MTRF1: variants seen among roughly 807,000 people sequenced by gnomAD.
The protein encoded by MTRF1 is peptide chain release factor 1, mitochondrial.
Under a neutral mutation model 62.9 loss-of-function variants are expected in MTRF1, and 51 were observed. That is an observed-to-expected ratio of 0.81 (90% CI 0.65 to 1.02). The LOEUF is 1.02. MTRF1 is among the 50% of genes least tolerant of loss of function. The pLI, the probability that MTRF1 is intolerant of heterozygous loss-of-function variation, is 0.00. For missense variants in MTRF1, 446 were observed against 530.0 expected (o/e 0.84, Z 1.56); for synonymous variants, 158 against 181.9 (o/e 0.87, Z 1.06).
the MTRF1 span, among the ~76,000 whole-genome samples, chr13:41,306,236 T>C: frequency 6.6e-6 from 1 of 151,710 alleles, no homozygotes; most frequent in African/African-American, 2.4e-5. Flanking sequence ...CAAAAAAAAT[T>C]AGCCGGGCGT....
At chr13:41,228,081 A>C (rs1030844712) in intron 7 of MTRF1, among the ~76,000 whole-genome samples, 4 of 152,362 alleles carry the variant, frequency 2.6e-5, no homozygotes, top group East Asian at 1.9e-4. Context: ...TTTTTGCCTA[A>C]GCACCTGTAT....
the MTRF1 span, among the ~76,000 whole-genome samples, chr13:41,303,080 CTTATTTAT>C: frequency 6.6e-6 from 1 of 151,788 alleles, no homozygotes; most frequent in African/African-American, 2.4e-5. Flanking sequence ...AAGAGCCTTT[CTTATTTAT>C]TTATTTATTT....
Position 41,260,636 on chromosome 13 carries a change from T to C in MTRF1, c.272A>G (p.Gln91Arg). ...ATTCACAGGGATATGCTGCAGACAT[T>C]GCTCAAGTGTTTGGTACTCCTTACT... ...NLSKEYQTLE[Q>R]CLQHIPVNEE... Residue 91 changes from glutamine to arginine, a missense_variant, in exon 2 of 10, where the codon CAA (glutamine) becomes CGA (arginine). Physicochemically the swap from Gln to Arg is conservative, Grantham distance 43. Coordinates refer to ENST00000379480, the MANE Select transcript of MTRF1 (RefSeq NM_004294.4). 6.2e-7 allele frequency: 1 copy of C among 1,614,174 alleles called. No homozygotes were observed. Among genetic ancestry groups the C allele is most frequent in the African/African-American group, 1.3e-5 (1 of 75,060 alleles).
the MTRF1 span, among the ~76,000 whole-genome samples, chr13:41,274,978 C>T: frequency 6.6e-6 from 1 of 152,100 alleles, no homozygotes; most frequent in Non-Finnish European, 1.5e-5. Flanking sequence ...TTTATTATAG[C>T]ATTCTGTTTT....
At chr13:41,307,885 A>T in the MTRF1 span, among the ~76,000 whole-genome samples, 1 of 152,224 alleles carries the variant, frequency 6.6e-6, no homozygotes, top group Non-Finnish European at 1.5e-5. Flanking sequence ...AGACAGATGA[A>T]GAAGATATTA....
chr13:41,256,222 T>C (rs979598995), intron 2 of MTRF1, among the ~76,000 whole-genome samples: 1 of 152,058 alleles, frequency 6.6e-6, no homozygotes, highest in African/African-American at 2.4e-5. Flanking sequence ...CAGTGTGCCA[T>C]AGGGGCATAA....
At chr13:41,266,614 CA>C (rs2040842127), upstream of MTRF1, among the ~76,000 whole-genome samples, 1 of 151,964 alleles carries the variant, frequency 6.6e-6, no homozygotes, top group Non-Finnish European at 1.5e-5. Flanking sequence ...ATCTCAAAAA[CA>C]AAAACAAAAC....
chr13:41,301,250 C>T, the MTRF1 span, among the ~76,000 whole-genome samples: 1 of 152,148 alleles, frequency 6.6e-6, no homozygotes, highest in East Asian at 1.9e-4. Context: ...AAACTTTTCC[C>T]TTCACCCTTT....
the MTRF1 span, chr13:41,311,452 C>T: frequency 1.3e-3 from 1,804 of 1,417,506 alleles, 9 homozygotes; most frequent in Non-Finnish European, 6.5e-4. Flanking sequence ...CGGTTCGTCC[C>T]GGTGCCCACC....
At position 41,260,807 on chromosome 13, in the gene MTRF1, T is replaced by C. The variant is rs757054254; in HGVS notation, c.101A>G (p.His34Arg). 1 of 1,614,046 alleles carries C rather than the reference T, an allele frequency of 6.2e-7. No individual in the cohort carries two copies. Among genetic ancestry groups the C allele is most frequent in the African/African-American group, 1.3e-5 (1 of 74,924 alleles). ...AAAAACTTGCAGCCTTGTATCAAGA[T>C]GTATCTGTCTAAATTGATGAGAATG... Reference protein sequence around the residue: ...QLHSHQFRQIHLDTRLQVFRQ... With the variant: ...QLHSHQFRQIRLDTRLQVFRQ... The change falls in exon 2 of 10, where the codon CAT becomes CGT. Residue 34 changes from histidine (H) to arginine (R), a missense_variant. Coordinates refer to ENST00000379480, the MANE Select transcript of MTRF1 (RefSeq NM_004294.4).
intron 7 of MTRF1, among the ~76,000 whole-genome samples, chr13:41,229,929 C>T (rs1476747635): frequency 1.3e-5 from 2 of 151,978 alleles, no homozygotes; most frequent in African/African-American, 4.8e-5. Context: ...GGTGAAACTA[C>T]GTCTCTACTA....
the MTRF1 span, among the ~76,000 whole-genome samples, chr13:41,288,851 T>C: frequency 6.6e-6 from 1 of 152,202 alleles, no homozygotes; most frequent in East Asian, 1.9e-4. Flanking sequence ...GTGTCAATAA[T>C]GCATTTGGTT....
the MTRF1 span, among the ~76,000 whole-genome samples, chr13:41,274,996 G>A: frequency 9.9e-5 from 15 of 152,082 alleles, no homozygotes; most frequent in African/African-American, 1.9e-4. Flanking sequence ...TTTTAGTTGC[G>A]GTACTTCCAT....
upstream of MTRF1, among the ~76,000 whole-genome samples, chr13:41,265,189 G>A (rs1005891428): frequency 2.6e-5 from 4 of 152,170 alleles, no homozygotes; most frequent in African/African-American, 7.2e-5. Flanking sequence ...TTGGGAGGCC[G>A]AGCCAGGTGG....
chr13:41,261,636 A>G (rs1204779147), intron 1 of MTRF1: 3 of 201,436 alleles, frequency 1.5e-5, no homozygotes, highest in Non-Finnish European at 2.7e-5. Flanking sequence ...AAATATTATT[A>G]TCTTGTATAA....
At chr13:41,234,951 G>A (rs545790059) in intron 6 of MTRF1, among the ~76,000 whole-genome samples, 19 of 152,236 alleles carry the variant, frequency 1.2e-4, no homozygotes, top group African/African-American at 4.3e-4. Flanking sequence ...AGCAGCATCA[G>A]GCAAGTCACC....
intron 5 of MTRF1, among the ~76,000 whole-genome samples, chr13:41,250,496 A>AT (rs1566143884): frequency 1.2e-4 from 18 of 151,258 alleles, no homozygotes; most frequent in Non-Finnish European, 1.3e-4. Flanking sequence ...ATTTACTCCA[A>AT]ATTTTTTTTT....
the MTRF1 span, among the ~76,000 whole-genome samples, chr13:41,272,096 C>G: frequency 2.6e-5 from 4 of 152,096 alleles, no homozygotes; most frequent in South Asian, 6.2e-4. Context: ...TCTCTGGTAC[C>G]CCCAAAACCA....
chr13:41,269,252 T>G, the MTRF1 span, among the ~76,000 whole-genome samples: 2 of 139,322 alleles, frequency 1.4e-5, no homozygotes, highest in South Asian at 4.4e-4. Context: ...TAGACTGGAG[T>G]GCAATGGCTT....
Sources: gnomAD v4.1 joint callset for allele counts (sites outside exome capture counted in the v4.1 genomes callset) on GRCh38, gnomAD v4.1.1 for gene constraint, MANE v1.5 for transcripts, NCBI Gene and HGNC (gene_info 2026-07-23, HGNC 2026-07-21) for gene names.